E2F5: variants seen among roughly 807,000 people sequenced by gnomAD.
E2F5 encodes transcription factor E2F5.
Under a neutral mutation model 39.1 loss-of-function variants are expected in E2F5, and 23 were observed. The ratio of observed to expected loss-of-function variants is 0.59; its 90% CI spans 0.42 to 0.83. The LOEUF (loss-of-function observed/expected upper bound fraction) is 0.83, where lower values mean the gene tolerates loss of function less well. Among genes scored for constraint, E2F5 ranks in the 40% least tolerant of loss-of-function variants. E2F5 has a pLI of 0.00. For synonymous variants in E2F5, 145 were observed against 157.8 expected, an observed-to-expected ratio of 0.92 and a Z score of 0.61; for missense variants, 365 against 406.7, an observed-to-expected ratio of 0.90 and a Z score of 0.88.
chr8:85,207,022 C>A (rs1812814117), intron 4 of E2F5, among the ~76,000 whole-genome samples: 1 of 152,096 alleles, frequency 6.6e-6, no homozygotes, highest in Admixed American at 6.6e-5. Flanking sequence ...AATTTGGCTT[C>A]AAAAATAATA....
intron 3 of E2F5, among the ~76,000 whole-genome samples, chr8:85,203,787 TGG>T (rs1344319291): frequency 6.7e-6 from 1 of 149,032 alleles, no homozygotes; most frequent in Non-Finnish European, 1.5e-5. Context: ...CAATATATAT[TGG>T]GGGAAAAACA....
At chr8:85,211,626 T>C (rs944606852) in intron 6 of E2F5, among the ~76,000 whole-genome samples, 1 of 149,082 alleles carries the variant, frequency 6.7e-6, no homozygotes, top group Admixed American at 6.8e-5. Flanking sequence ...GGTAGAATGA[T>C]GATGAGGTTT....
In E2F5 at chr8:85,212,213, G is replaced by T. The variant is rs1563984726; in HGVS notation, c.931+9G>T. 3 of 1,598,988 alleles carry T rather than the reference G, an allele frequency of 1.9e-6. No individual in the cohort carries two copies. The Admixed American group carries it at 5.1e-5, about 27-fold the overall frequency. On this transcript the variant is annotated intron_variant, in intron 7 of 7. Coordinates refer to ENST00000416274, the MANE Select transcript of E2F5 (RefSeq NM_001951.4). ...GTTAATGTCTTCTGACGGTAAGTAG[G>T]TTAAAATTTTACTAACTCACTTATC...
chr8:85,211,766 T>C (rs1242974771), intron 6 of E2F5, among the ~76,000 whole-genome samples: 1 of 147,536 alleles, frequency 6.8e-6, no homozygotes, highest in Non-Finnish European at 1.5e-5. Flanking sequence ...GTCTCCCAAG[T>C]AGTTGGGACT....
intron 1 of E2F5, among the ~76,000 whole-genome samples, chr8:85,190,634 G>C (rs1431557441): frequency 1.3e-5 from 2 of 148,624 alleles, no homozygotes; most frequent in African/African-American, 2.5e-5. Flanking sequence ...CTCCCTAGTA[G>C]CTGGGACTAA....
chr8:85,204,698 TA>T (rs1812765843), intron 3 of E2F5, among the ~76,000 whole-genome samples: 1 of 151,030 alleles, frequency 6.6e-6, no homozygotes, highest in South Asian at 2.1e-4. Flanking sequence ...ATAATAATAA[TA>T]AAATTAAAAA....
intron 1 of E2F5, among the ~76,000 whole-genome samples, chr8:85,195,145 G>A (rs1812554024): frequency 6.6e-6 from 1 of 151,922 alleles, no homozygotes; most frequent in South Asian, 2.1e-4. Context: ...AGCAATTTGG[G>A]AGGCCGAGGT....
rs746320502 is a variant in E2F5 at position 85,207,458 on chromosome 8, G to C, written c.584G>C (p.Gly195Ala). ...CTTTTGGCCATTCAGGCACCTTCTG[G>C]TACACAACTGGAGGTACCCATTCCA... is the stretch of plus-strand genomic sequence containing the variant. Reference protein sequence around the residue: ...DTLLAIQAPSGTQLEVPIPEM... With the variant: ...DTLLAIQAPSATQLEVPIPEM... The change falls in exon 5 of 8, where the codon GGT becomes GCT. Residue 195 changes from glycine (G) to alanine (A), a missense_variant. Transcript: ENST00000416274. 1.9e-6 allele frequency: 3 copies of C among 1,561,736 alleles called. No homozygotes were observed. Among genetic ancestry groups the C allele is most frequent in the Admixed American group, 1.9e-5 (1 of 52,430 alleles).
intron 3 of E2F5, 42 bp from the exon 4 acceptor site, chr8:85,206,135 C>T (rs375259368): frequency 5.8e-5 from 92 of 1,588,310 alleles, no homozygotes; most frequent in Non-Finnish European, 6.6e-5. Flanking sequence ...TAAATGCCTA[C>T]GGCTTGATAT....
chr8:85,189,747 T>G (rs570850058), intron 1 of E2F5, among the ~76,000 whole-genome samples: 1 of 152,354 alleles, frequency 6.6e-6, no homozygotes, highest in East Asian at 1.9e-4. Context: ...TAACCATTCT[T>G]ATTAGTAGGT....
chr8:85,177,284 G>C lies in E2F5; in HGVS notation c.-137G>C. 5 of 737,760 alleles carry C rather than the reference G, an allele frequency of 6.8e-6. No individual in the cohort carries two copies. Among genetic ancestry groups the C allele is most frequent in the Non-Finnish European group, 8.3e-6 (5 of 603,506 alleles). 45.7% of individuals were successfully genotyped at this position (737,760 alleles called of 1,614,324 possible). A position where few individuals can be genotyped will look rare whatever the true frequency, so the allele number is the denominator to read the frequency against. Reference sequence around the variant, plus strand: ...CGTGGGCGCCGCACACCTGTTGTTTGCAGCAGCCAGCGACCCGCACTACCG... The same window carrying C: ...CGTGGGCGCCGCACACCTGTTGTTTCCAGCAGCCAGCGACCCGCACTACCG... On this transcript the variant is annotated 5_prime_UTR_variant, in exon 1 of 8. Coordinates refer to ENST00000416274, the MANE Select transcript of E2F5 (RefSeq NM_001951.4).
rs1352645679 is a variant in E2F5 at position 85,209,201 on chromosome 8, T to C, written c.675T>C (p.His225=). 1.9e-6 allele frequency: 3 copies of C among 1,613,902 alleles called. No homozygotes were observed. In the Admixed American group the frequency reaches 5.0e-5, roughly 27 times the overall value. Residue 225 remains histidine, a synonymous_variant, in exon 6 of 8, where the codon CAT becomes CAC. Transcript: ENST00000416274. ...INLKSHSGPI[H]VLLINKESSS... ...TAAAGAGTCATTCAGGACCTATCCA[T>C]GTGCTGCTTATAAATAAAGAGTCGA...
In E2F5 at chr8:85,203,224, A is replaced by G. The variant is rs1178180554; in HGVS notation, c.475A>G (p.Lys159Glu). 6.2e-7 allele frequency: 1 copy of G among 1,602,198 alleles called. No homozygotes were observed. The highest frequency in any genetic ancestry group is 2.2e-5 in the East Asian group (1 of 44,478). Reference protein sequence around the residue: ...QQKLWLQQSIKNVMDDSINNR... With the variant: ...QQKLWLQQSIENVMDDSINNR... ...GAAGTTGTGGCTACAGCAAAGCATC[A>G]AAAATGTGATGGACGATTCCATTAA... Residue 159 changes from lysine (K) to glutamate (E), a missense_variant, in exon 3 of 8, where the codon AAA (lysine) becomes GAA (glutamate). Coordinates refer to ENST00000416274, the MANE Select transcript of E2F5 (RefSeq NM_001951.4).
chr8:85,202,872 G>A (rs546710828), intron 2 of E2F5, among the ~76,000 whole-genome samples: 3 of 152,038 alleles, frequency 2.0e-5, no homozygotes, highest in Admixed American at 6.6e-5. Flanking sequence ...AACACTGTAG[G>A]GAAGATTGAG....
intron 1 of E2F5, among the ~76,000 whole-genome samples, chr8:85,197,101 G>C (rs993392684): frequency 1.6e-4 from 25 of 152,042 alleles, no homozygotes; most frequent in African/African-American, 5.8e-4. Flanking sequence ...TTTTTATTTT[G>C]GGATTCTGGC....
intron 6 of E2F5, among the ~76,000 whole-genome samples, chr8:85,211,337 G>A (rs973324898): frequency 6.6e-6 from 1 of 152,024 alleles, no homozygotes; most frequent in Non-Finnish European, 1.5e-5. Flanking sequence ...GGGAGGTCAA[G>A]GCTGCAGTGA....
chr8:85,194,240 A>T (rs1812530745), intron 1 of E2F5, among the ~76,000 whole-genome samples: 1 of 152,114 alleles, frequency 6.6e-6, no homozygotes, highest in African/African-American at 2.4e-5. Flanking sequence ...TAATTTTGGG[A>T]GTTTTAATCA....
At chr8:85,212,499 CT>C in intron 7 of E2F5, 1 of 268,290 alleles carries the variant, frequency 3.7e-6, no homozygotes, top group East Asian at 9.1e-5. Context: ...AGTAAAATAA[CT>C]TGTCTAAATC....
chr8:85,177,616 C>A lies in E2F5; in HGVS notation c.196C>A (p.Leu66Met). Residue 66 changes from leucine to methionine, a missense_variant, in exon 1 of 8, where the codon CTG (leucine) becomes ATG (methionine). Coordinates refer to ENST00000416274, the MANE Select transcript of E2F5 (RefSeq NM_001951.4). ...GLLTTKFVSL[L>M]QEAKDGVLDL... Reference sequence around the variant, plus strand: ...GCTCACTACCAAGTTCGTGTCGCTGCTGCAGGAGGCCAAGGACGGCGTTCT... The same window carrying A: ...GCTCACTACCAAGTTCGTGTCGCTGATGCAGGAGGCCAAGGACGGCGTTCT... 6.2e-6 allele frequency: 8 copies of A among 1,298,108 alleles called. No homozygotes were observed. Among genetic ancestry groups the A allele is most frequent in the Non-Finnish European group, 7.9e-6 (8 of 1,018,436 alleles). 80.4% of individuals were successfully genotyped at this position (1,298,108 alleles called of 1,614,324 possible).
Sources: gnomAD v4.1 joint callset for allele counts (sites outside exome capture counted in the v4.1 genomes callset) on GRCh38, gnomAD v4.1.1 for gene constraint, MANE v1.5 for transcripts, NCBI Gene and HGNC (gene_info 2026-07-23, HGNC 2026-07-21) for gene names.